The following DENND2C variants were observed in gnomAD, a reference collection of about 807,000 sequenced individuals.
The protein encoded by DENND2C is DENN domain containing 2C.
DENND2C carries 72 observed loss-of-function variants against 112.4 expected under a neutral mutation model. That is an observed-to-expected ratio of 0.64 (90% CI 0.53 to 0.78). The LOEUF is 0.78. DENND2C is among the 30% of genes least tolerant of loss of function. DENND2C has a pLI of 0.00. For synonymous variants in DENND2C, 329 were observed against 381.6 expected (o/e 0.86, Z 1.61); for missense variants, 992 against 1,113.8 (o/e 0.89, Z 1.56).
At chr1:114,624,124 GCTGTGCC>G in intron 4 of DENND2C, among the ~76,000 whole-genome samples, 1 of 152,266 alleles carries the variant, frequency 6.6e-6, no homozygotes, top group South Asian at 2.1e-4. Flanking sequence ...AATGAAGTAG[GCTGTGCC>G]TTACGAACAC....
intron 1 of DENND2C, among the ~76,000 whole-genome samples, chr1:114,656,459 C>T (rs1327604990): frequency 2.7e-5 from 4 of 148,356 alleles, no homozygotes; most frequent in African/African-American, 7.5e-5. Context: ...TGCAGTGGTG[C>T]GATCTCGGCT....
chr1:114,626,071 A>G lies in DENND2C; in HGVS notation c.-87T>C. The G allele has an allele frequency of 3.0e-6, 4 of 1,323,224 alleles. No homozygotes were observed. Among genetic ancestry groups the G allele is most frequent in the Non-Finnish European group, 4.1e-6 (4 of 971,470 alleles). The allele number at this position is 1,323,224 out of a possible 1,614,324, so 82.0% of individuals were successfully genotyped here. On this transcript the variant is annotated 5_prime_UTR_variant, in exon 4 of 21. Coordinates refer to ENST00000393274, the MANE Select transcript of DENND2C (RefSeq NM_001256404.2). Reference sequence around the variant, plus strand: ...GAAATATTGTATTCTTTATCCTGTCAGAATCCAAATGATTCCAGTATTTTC... The same window carrying G: ...GAAATATTGTATTCTTTATCCTGTCGGAATCCAAATGATTCCAGTATTTTC...
chr1:114,658,628 T>C (rs1448662192), intron 1 of DENND2C, among the ~76,000 whole-genome samples: 2 of 151,794 alleles, frequency 1.3e-5, no homozygotes, highest in African/African-American at 4.8e-5. Flanking sequence ...ATTTTAAAGT[T>C]GGGGAAAATC....
chr1:114,596,455 C>T (rs1317920654), intron 16 of DENND2C, among the ~76,000 whole-genome samples: 1 of 152,196 alleles, frequency 6.6e-6, no homozygotes, highest in African/African-American at 2.4e-5. Flanking sequence ...TATGAGACAA[C>T]TAGAGATTTA....
chr1:114,621,785 C>T, intron 7 of DENND2C, 110 bp downstream of exon 7: 1 of 1,353,232 alleles, frequency 7.4e-7, no homozygotes, highest in African/African-American at 1.5e-5. Flanking sequence ...GTCTTCTAAT[C>T]CCAGTAGGTC....
intron 2 of DENND2C, among the ~76,000 whole-genome samples, chr1:114,646,339 C>G (rs761640257): frequency 6.6e-6 from 1 of 152,156 alleles, no homozygotes; most frequent in Non-Finnish European, 1.5e-5. Flanking sequence ...AATTTTAGAA[C>G]ACTTTTCTTT....
rs769877229 is a variant in DENND2C at position 114,667,118 on chromosome 1, CCT to C, written c.-574+2863_-574+2864del. ...TTATCCCTGGTTTTCATTCATATCT[CCT>C]GTTTCCTGACCCAATTTCAGCAAAC... is the stretch of plus-strand genomic sequence containing the variant. On this transcript the variant is annotated intron_variant, in intron 1 of 20. Coordinates refer to ENST00000393274, the MANE Select transcript of DENND2C (RefSeq NM_001256404.2). Among the ~76,000 whole-genome samples the C allele has an allele frequency of 3.3e-5, 5 of 152,322 alleles. No homozygotes were observed. The East Asian group carries it at 7.7e-4, about 23-fold the overall frequency.
Position 114,613,943 on chromosome 1 carries a change from A to G in DENND2C, c.1325-2826T>C, listed in dbSNP as rs546362494. Reference sequence around the variant, plus strand: ...ATACCTGAAAACTGAAAGTTAAGAAATATTTAGGGCCAGGTATGGTGGCTC... The same window carrying G: ...ATACCTGAAAACTGAAAGTTAAGAAGTATTTAGGGCCAGGTATGGTGGCTC... On this transcript the variant is annotated intron_variant, in intron 8 of 20. Transcript: ENST00000393274. Among the ~76,000 whole-genome samples, 20 of 152,304 alleles carry G rather than the reference A, an allele frequency of 1.3e-4. 1 individual carries two copies. Among genetic ancestry groups the G allele is most frequent in the South Asian group, 6.2e-4 (3 of 4,828 alleles).
intron 2 of DENND2C, among the ~76,000 whole-genome samples, chr1:114,648,151 C>T (rs996189915): frequency 1.3e-5 from 2 of 152,186 alleles, no homozygotes; most frequent in African/African-American, 4.8e-5. Context: ...GTTACTATTA[C>T]CTGCAATAGT....
Position 114,621,948 on chromosome 1 carries a change from T to C in DENND2C, c.1174A>G (p.Lys392Glu). 6.4e-7 allele frequency: 1 copy of C among 1,550,730 alleles called. No homozygotes were observed. Among genetic ancestry groups the C allele is most frequent in the African/African-American group, 1.4e-5 (1 of 73,180 alleles). ...GCAACTTCACCAGCTCGGAAAAGCTTCCATTCCGTTAAAGTGACCGGCAAA... is the reference window on the plus strand; with the variant it reads ...GCAACTTCACCAGCTCGGAAAAGCTCCCATTCCGTTAAAGTGACCGGCAAA... The part of the protein sequence containing the change: ...TTLPVTLTEW[K>E]LFRAGEVANT... The change falls in exon 7 of 21, where the codon AAG becomes GAG. Residue 392 changes from lysine (K) to glutamate (E), a missense_variant. Transcript: ENST00000393274.
chr1:114,649,732 T>C (rs868266076), intron 2 of DENND2C, among the ~76,000 whole-genome samples: 4 of 151,996 alleles, frequency 2.6e-5, no homozygotes, highest in Non-Finnish European at 2.9e-5. Context: ...AGCAAGACAC[T>C]GAAAAATAAA....
intron 3 of DENND2C, among the ~76,000 whole-genome samples, chr1:114,640,017 C>G (rs2101680174): frequency 6.6e-6 from 1 of 152,352 alleles, no homozygotes; most frequent in African/African-American, 2.4e-5. Flanking sequence ...CTCTCCTGTC[C>G]TCCTTCAATG....
intron 8 of DENND2C, among the ~76,000 whole-genome samples, chr1:114,616,613 G>A (rs1405426727): frequency 6.6e-6 from 1 of 151,984 alleles, no homozygotes; most frequent in Admixed American, 6.6e-5. Context: ...CCAGCACTTT[G>A]AGAGGCTGAG....
intron 20 of DENND2C, chr1:114,586,898 A>ATT (rs565593002): frequency 4.2e-4 from 60 of 141,548 alleles, no homozygotes; most frequent in Non-Finnish European, 7.0e-4. Flanking sequence ...TGCCTAGCTA[A>ATT]TTTTTTTTTT....
chr1:114,588,766 T>C (rs1027930160), intron 18 of DENND2C, among the ~76,000 whole-genome samples: 8 of 152,282 alleles, frequency 5.3e-5, no homozygotes, highest in African/African-American at 1.2e-4. Context: ...AGATTTTTTT[T>C]CCCCAAAATA....
intron 4 of DENND2C, among the ~76,000 whole-genome samples, chr1:114,624,902 CG>C (rs1344003754): frequency 6.6e-6 from 1 of 152,056 alleles, no homozygotes; most frequent in Non-Finnish European, 1.5e-5. Flanking sequence ...ATTACAGGAG[CG>C]AGCTACCGTG....
chr1:114,657,041 G>A (rs958459285), intron 1 of DENND2C, among the ~76,000 whole-genome samples: 7 of 147,986 alleles, frequency 4.7e-5, no homozygotes, highest in African/African-American at 7.3e-5. Context: ...CTGAGCCACC[G>A]CACCTGGCCA....
Position 114,595,608 on chromosome 1 carries a change from A to G in DENND2C, c.2325+224T>C, listed in dbSNP as rs538033366. On this transcript the variant is annotated intron_variant, in intron 17 of 20. Transcript: ENST00000393274. ...GTTTTACCTCTTTTGAGAATGAGAC[A>G]TTTATGTTTCCTCCTTCCTCCTTTG... 2.6e-5 allele frequency: 12 copies of G among 467,506 alleles called. No homozygotes were observed. The South Asian group carries it at 3.7e-4, about 14-fold the overall frequency. The allele number at this position is 467,506 out of a possible 1,614,324, so 29.0% of individuals were successfully genotyped here. A position where few individuals can be genotyped will look rare whatever the true frequency, so the allele number is the denominator to read the frequency against.
intron 18 of DENND2C, among the ~76,000 whole-genome samples, chr1:114,592,579 G>A (rs1400481626): frequency 2.0e-5 from 3 of 152,108 alleles, no homozygotes; most frequent in Non-Finnish European, 2.9e-5. Context: ...AACCAGCCAG[G>A]TGTGAGGGTG....
Sources: allele counts gnomAD v4.1 joint callset (sites outside exome capture counted in the v4.1 genomes callset), GRCh38; gene constraint gnomAD v4.1.1; transcripts MANE v1.5; gene names NCBI Gene and HGNC (gene_info 2026-07-23, HGNC 2026-07-21).